The following TASP1 variants were observed in gnomAD, a reference collection of about 807,000 sequenced individuals.
The protein encoded by TASP1 is taspase 1, also known as threonine aspartase 1.
A neutral mutation model predicts 56.6 loss-of-function variants in TASP1; 16 were observed. The observed-to-expected ratio is 0.28, with a 90% CI of 0.19 to 0.43. TASP1 has a LOEUF of 0.43. Ranked by LOEUF, TASP1 falls within the 20% of genes least tolerant of loss-of-function variation. TASP1 has a pLI of 1.00. For synonymous variants in TASP1, 179 were observed against 184.2 expected (o/e 0.97, Z 0.23); for missense variants, 393 against 511.6 (o/e 0.77, Z 2.24).
At chr20:13,114,892 AG>A in the TASP1 span, among the ~76,000 whole-genome samples, 3 of 152,200 alleles carry the variant, frequency 2.0e-5, no homozygotes, top group Admixed American at 2.0e-4. Context: ...GATTTCAAAA[AG>A]GAGGCTTTTC....
intron 13 of TASP1, among the ~76,000 whole-genome samples, chr20:13,396,398 T>C (rs1047033299): frequency 6.6e-6 from 1 of 152,220 alleles, no homozygotes; most frequent in African/African-American, 2.4e-5. Context: ...CTTCTTAATA[T>C]AGTCTAGAAT....
At chr20:13,478,993 G>A (rs1027839168) in intron 11 of TASP1, among the ~76,000 whole-genome samples, 6 of 152,002 alleles carry the variant, frequency 3.9e-5, no homozygotes. Flanking sequence ...AGAGCATTAA[G>A]CTATGTTAAG....
intron 13 of TASP1, among the ~76,000 whole-genome samples, chr20:13,405,175 G>A (rs547608775): frequency 1.3e-5 from 2 of 152,268 alleles, no homozygotes; most frequent in South Asian, 4.2e-4. Flanking sequence ...GTGAGATTAT[G>A]AGAAACCTAT....
chr20:13,250,150 C>T, the TASP1 span, among the ~76,000 whole-genome samples: 1 of 152,278 alleles, frequency 6.6e-6, no homozygotes, highest in East Asian at 1.9e-4. Flanking sequence ...AGGGTTCATG[C>T]CATGAAACGA....
intron 4 of TASP1, among the ~76,000 whole-genome samples, chr20:13,588,840 C>T (rs779315029): frequency 2.0e-5 from 3 of 151,858 alleles, no homozygotes; most frequent in Admixed American, 6.6e-5. Flanking sequence ...ATGCAAGAGA[C>T]GCAGAATAAC....
chr20:13,183,485 C>T, the TASP1 span, among the ~76,000 whole-genome samples: 2 of 151,900 alleles, frequency 1.3e-5, no homozygotes, highest in African/African-American at 2.4e-5. Flanking sequence ...TACAAAGCAA[C>T]ATAAAAAGTA....
At chr20:13,547,068 T>G (rs1367365821) in intron 8 of TASP1, among the ~76,000 whole-genome samples, 1 of 152,188 alleles carries the variant, frequency 6.6e-6, no homozygotes, top group Non-Finnish European at 1.5e-5. Context: ...AATATTCAAA[T>G]CATCAGCTGT....
chr20:13,475,281 G>A lies in TASP1; in HGVS notation c.985+7946C>T, dbSNP rs75774390. 6.7e-3 allele frequency among the ~76,000 whole-genome samples: 1,015 copies of A among 152,244 alleles called. 12 individuals are homozygous for A. The highest frequency in any genetic ancestry group is 0.023 in the African/African-American group (964 of 41,556). ...TTGCAAACTGCATTTTCTAACTTAAGTATCATGATTTTAAGGTTCATTCAT... is the reference window on the plus strand; with the variant it reads ...TTGCAAACTGCATTTTCTAACTTAAATATCATGATTTTAAGGTTCATTCAT... On this transcript the variant is annotated intron_variant, in intron 11 of 13. Transcript: ENST00000337743.
the TASP1 span, among the ~76,000 whole-genome samples, chr20:13,275,529 C>T: frequency 2.0e-5 from 3 of 152,194 alleles, no homozygotes; most frequent in African/African-American, 7.2e-5. Flanking sequence ...TCAGGCACCA[C>T]CATTTAGTCA....
At chr20:13,205,999 G>A in the TASP1 span, among the ~76,000 whole-genome samples, 1 of 152,218 alleles carries the variant, frequency 6.6e-6, no homozygotes, top group South Asian at 2.1e-4. Flanking sequence ...CCATCACCGG[G>A]TGCAGGTCAG....
intron 13 of TASP1, among the ~76,000 whole-genome samples, chr20:13,405,134 T>C (rs892007241): frequency 1.3e-5 from 2 of 152,172 alleles, no homozygotes; most frequent in African/African-American, 4.8e-5. Flanking sequence ...CCTGAAAAAT[T>C]CTTTATATCC....
intron 10 of TASP1, among the ~76,000 whole-genome samples, chr20:13,501,663 T>C (rs1362252959): frequency 6.6e-6 from 1 of 151,876 alleles, no homozygotes; most frequent in Non-Finnish European, 1.5e-5. Flanking sequence ...CCCAATTACA[T>C]CAATACTTAC....
chr20:13,414,169 G>A (rs1333754697), intron 13 of TASP1, among the ~76,000 whole-genome samples: 2 of 152,122 alleles, frequency 1.3e-5, no homozygotes, highest in Admixed American at 1.3e-4. Flanking sequence ...TGTCTTTTAT[G>A]ACATTGACAT....
chr20:13,135,720 G>A, the TASP1 span, among the ~76,000 whole-genome samples: 3,111 of 152,314 alleles, frequency 0.02, 53 homozygotes, highest in Non-Finnish European at 0.031. Context: ...AAGTTGGAAC[G>A]ATTCTAGCTA....
At chr20:13,512,201 A>G (rs532275478) in intron 10 of TASP1, among the ~76,000 whole-genome samples, 4 of 152,234 alleles carry the variant, frequency 2.6e-5, no homozygotes, top group Admixed American at 6.5e-5. Flanking sequence ...ACAATGGTTG[A>G]ACTAGTTTAC....
At chr20:13,356,473 CTT>C in the TASP1 span, among the ~76,000 whole-genome samples, 3 of 152,226 alleles carry the variant, frequency 2.0e-5, no homozygotes, top group Non-Finnish European at 4.4e-5. Context: ...CTCAACATGA[CTT>C]TACTGTTTAT....
intron 4 of TASP1, among the ~76,000 whole-genome samples, chr20:13,598,618 C>T (rs550611809): frequency 1.5e-4 from 23 of 152,200 alleles, no homozygotes; most frequent in African/African-American, 4.6e-4. Context: ...AGGACACAGG[C>T]AGGGGCAAAG....
the TASP1 span, among the ~76,000 whole-genome samples, chr20:13,222,501 T>TC: frequency 1.3e-5 from 2 of 151,636 alleles, no homozygotes; most frequent in African/African-American, 4.8e-5. Context: ...GGTTCCCCCC[T>TC]CCCCCCTTGT....
chr20:13,393,093 G>T, intron 13 of TASP1: 1 of 620,606 alleles, frequency 1.6e-6, no homozygotes, highest in South Asian at 1.5e-5. Flanking sequence ...TGAGAAGTAT[G>T]ACAACAGTCT....
Sources: gnomAD v4.1 joint callset for allele counts (sites outside exome capture counted in the v4.1 genomes callset) on GRCh38, gnomAD v4.1.1 for gene constraint, MANE v1.5 for transcripts, NCBI Gene and HGNC (gene_info 2026-07-23, HGNC 2026-07-21) for gene names.